Variants in B3GALT1 observed in about 807,000 individuals in gnomAD.
The protein encoded by B3GALT1 is UDP-Gal:betaGlcNAc beta 1,3-galactosyltransferase, polypeptide 1.
In B3GALT1, 10 loss-of-function variants were observed where a neutral mutation model predicts 23.2. That is an observed-to-expected ratio of 0.43 (90% CI 0.27 to 0.73). The LOEUF is 0.73. B3GALT1 is among the 30% of genes least tolerant of loss of function. The pLI is 0.21. For missense variants in B3GALT1, 299 were observed against 405.4 expected (o/e 0.74, Z 2.25); for synonymous variants, 156 against 141.5 (o/e 1.10, Z -0.73).
At chr2:167,855,050 T>C (rs115385563) in intron 4 of B3GALT1, among the ~76,000 whole-genome samples, 4 of 152,300 alleles carry the variant, frequency 2.6e-5, no homozygotes, top group Non-Finnish European at 5.9e-5. Flanking sequence ...GTTAAGGAAG[T>C]AGCCCAGTGA....
In B3GALT1 at chr2:167,737,343, T is replaced by C. The variant is rs1687509307; in HGVS notation, c.-351-81329T>C. On this transcript the variant is annotated intron_variant, in intron 3 of 4. Transcript: ENST00000392690. ...AGAGCTTGACTTCAAATCCAGGTGTTTCTGACTACAAAGCCTGAGCTCTTA... is the reference window on the plus strand; with the variant it reads ...AGAGCTTGACTTCAAATCCAGGTGTCTCTGACTACAAAGCCTGAGCTCTTA... Among the ~76,000 whole-genome samples the C allele has an allele frequency of 1.3e-5, 2 of 152,250 alleles. 1 individual carries two copies. The highest frequency in any genetic ancestry group is 1.3e-4 in the Admixed American group (2 of 15,286).
intron 1 of B3GALT1, among the ~76,000 whole-genome samples, chr2:167,302,859 A>C (rs1574024389): frequency 1.3e-5 from 2 of 152,196 alleles, no homozygotes; most frequent in Admixed American, 6.5e-5. Context: ...ATATCATGGA[A>C]AGTTTTGATG....
At chr2:167,435,474 T>C (rs1269160248) in intron 1 of B3GALT1, among the ~76,000 whole-genome samples, 1 of 95,074 alleles carries the variant, frequency 1.1e-5, no homozygotes, top group African/African-American at 3.5e-5. Context: ...CAGAGAAATA[T>C]ATGCTTTTTA....
intron 2 of B3GALT1, among the ~76,000 whole-genome samples, chr2:167,512,607 T>TAC (rs1558887854): frequency 1.0e-4 from 8 of 80,234 alleles, no homozygotes; most frequent in African/African-American, 3.1e-4. Flanking sequence ...TATATATATA[T>TAC]GTATATATAT....
intron 1 of B3GALT1, among the ~76,000 whole-genome samples, chr2:167,425,464 C>G (rs75470600): frequency 6.6e-6 from 1 of 152,136 alleles, no homozygotes; most frequent in Non-Finnish European, 1.5e-5. Flanking sequence ...TTTATCTCAA[C>G]TAACAGGTTT....
At chr2:167,862,816 GCTT>G (rs1341963078) in intron 4 of B3GALT1, 2 of 152,198 alleles carry the variant, frequency 1.3e-5, no homozygotes, top group Non-Finnish European at 2.9e-5. Context: ...AGAAATACGT[GCTT>G]CTTAAATTGA....
chr2:167,339,374 A>C, intron 1 of B3GALT1, among the ~76,000 whole-genome samples: 1 of 150,924 alleles, frequency 6.6e-6, no homozygotes, highest in Non-Finnish European at 1.5e-5. Flanking sequence ...TAAATTATGA[A>C]TTTGAATGCA....
chr2:167,834,016 AG>A (rs1011945596), intron 4 of B3GALT1, among the ~76,000 whole-genome samples: 3 of 152,214 alleles, frequency 2.0e-5, no homozygotes, highest in African/African-American at 7.2e-5. Context: ...TATATCAGTG[AG>A]GAGTAGAACT....
At chr2:167,505,582 T>C (rs1184062751) in intron 2 of B3GALT1, among the ~76,000 whole-genome samples, 1 of 152,192 alleles carries the variant, frequency 6.6e-6, no homozygotes, top group Non-Finnish European at 1.5e-5. Flanking sequence ...GGAAAGCTTA[T>C]GCAGTTGATC....
chr2:167,297,983 A>G (rs1437369166), intron 1 of B3GALT1, among the ~76,000 whole-genome samples: 1 of 152,164 alleles, frequency 6.6e-6, no homozygotes, highest in Non-Finnish European at 1.5e-5. Context: ...TTATTTCTCC[A>G]GATTCAAGAA....
intron 1 of B3GALT1, among the ~76,000 whole-genome samples, chr2:167,414,431 C>G (rs909071915): frequency 4.6e-5 from 7 of 152,098 alleles, no homozygotes. Flanking sequence ...ATAATGTTCA[C>G]TTTATGGAAG....
chr2:167,597,111 G>GTTTTTTTTTTTT (rs1354123455), intron 2 of B3GALT1, among the ~76,000 whole-genome samples: 3 of 135,610 alleles, frequency 2.2e-5, no homozygotes, highest in African/African-American at 8.7e-5. Flanking sequence ...TTTGTTTTTT[G>GTTTTTTTTTTTT]TTTTTGTTTT....
chr2:167,623,044 A>G (rs1400862640), intron 2 of B3GALT1, among the ~76,000 whole-genome samples: 1 of 152,148 alleles, frequency 6.6e-6, no homozygotes, highest in Non-Finnish European at 1.5e-5. Context: ...TTGAAAATAC[A>G]TAGTCATGTC....
intron 2 of B3GALT1, among the ~76,000 whole-genome samples, chr2:167,539,117 C>G (rs1487275045): frequency 6.6e-6 from 1 of 152,058 alleles, no homozygotes; most frequent in African/African-American, 2.4e-5. Flanking sequence ...CAAATGAAAG[C>G]AGTCCAATAA....
At chr2:167,569,750 G>A (rs1684256144) in intron 2 of B3GALT1, among the ~76,000 whole-genome samples, 1 of 151,818 alleles carries the variant, frequency 6.6e-6, no homozygotes, top group Non-Finnish European at 1.5e-5. Flanking sequence ...GATCTTAGTA[G>A]GAAAGCTTCA....
At chr2:167,512,593 T>TAC (rs1558887802) in intron 2 of B3GALT1, among the ~76,000 whole-genome samples, 1 of 81,548 alleles carries the variant, frequency 1.2e-5, no homozygotes, top group Non-Finnish European at 2.3e-5. Flanking sequence ...TATATATATG[T>TAC]GTATATATAT....
chr2:167,715,367 T>C, intron 3 of B3GALT1: 1 of 1,613,880 alleles, frequency 6.2e-7, no homozygotes, highest in East Asian at 2.2e-5. Flanking sequence ...CACTTGTTCT[T>C]TCCATACTTC....
chr2:167,565,105 C>T (rs1177885327), intron 2 of B3GALT1, among the ~76,000 whole-genome samples: 10 of 152,080 alleles, frequency 6.6e-5, no homozygotes, highest in African/African-American at 1.9e-4. Context: ...GACTTCAAAC[C>T]ATACTACAAG....
intron 3 of B3GALT1, among the ~76,000 whole-genome samples, chr2:167,683,206 T>A (rs1242809280): frequency 6.6e-6 from 1 of 152,164 alleles, no homozygotes; most frequent in Non-Finnish European, 1.5e-5. Context: ...AGTGTGTTAG[T>A]ATTATTAGGT....
Sources: allele counts gnomAD v4.1 joint callset (sites outside exome capture counted in the v4.1 genomes callset), GRCh38; gene constraint gnomAD v4.1.1; transcripts MANE v1.5; gene names NCBI Gene and HGNC (gene_info 2026-07-23, HGNC 2026-07-21).